The following MYL3 variants were observed in gnomAD, a reference collection of about 807,000 sequenced individuals.
The protein encoded by MYL3 is myosin light chain 3, also known as CMLC1.
Under a neutral mutation model 21.3 loss-of-function variants are expected in MYL3, and 11 were observed. That is an observed-to-expected ratio of 0.52 (90% CI 0.32 to 0.85). MYL3 has a LOEUF of 0.85. MYL3 is among the 40% of genes least tolerant of loss of function. MYL3 has a pLI of 0.03. For synonymous variants in MYL3, 88 were observed against 91.6 expected (o/e 0.96, Z 0.22); for missense variants, 206 against 253.3 (o/e 0.81, Z 1.27).
chr3:46,871,558 G>C (rs891630975), intron 1 of MYL3, among the ~76,000 whole-genome samples: 4 of 152,082 alleles, frequency 2.6e-5, no homozygotes, highest in African/African-American at 9.7e-5. Context: ...AGACAAAAGG[G>C]AAGGAGAGAT....
At chr3:46,873,159 G>A (rs961920726) in intron 1 of MYL3, among the ~76,000 whole-genome samples, 4 of 152,242 alleles carry the variant, frequency 2.6e-5, no homozygotes, top group Admixed American at 1.3e-4. Flanking sequence ...GTTGAAAGGT[G>A]CAGATCCAGG....
chr3:46,881,813 G>A (rs1482347459), intron 1 of MYL3, among the ~76,000 whole-genome samples: 1 of 152,138 alleles, frequency 6.6e-6, no homozygotes, highest in Admixed American at 6.5e-5. Flanking sequence ...CGGCCCGAAC[G>A]GGAGCCCAGT....
At chr3:46,862,743 C>T (rs1029600635) in intron 1 of MYL3, among the ~76,000 whole-genome samples, 5 of 152,230 alleles carry the variant, frequency 3.3e-5, no homozygotes, top group Admixed American at 1.3e-4. Context: ...GCTTCAAGTT[C>T]CCTACCTAAA....
In MYL3 at chr3:46,858,703, C is replaced by T. The variant is rs182518004; in HGVS notation, c.482-242G>A. Among the ~76,000 whole-genome samples, 79 of 152,284 alleles carry T rather than the reference C, an allele frequency of 5.2e-4. 1 individual carries two copies. In the East Asian group the frequency reaches 0.014, roughly 26 times the overall value. On this transcript the variant is annotated intron_variant, in intron 4 of 6. Transcript: ENST00000292327. ...CCACTAGGCTGGGAGGGGGTCCCTC[C>T]GCCAGGACGAAGCCAGGGCTCCCTA...
In MYL3 at chr3:46,880,455, G is replaced by A. The variant is rs573641833; in HGVS notation, c.-218+1619C>T. Among the ~76,000 whole-genome samples the A allele has an allele frequency of 1.8e-4, 27 of 152,280 alleles. 1 individual carries two copies. The highest frequency in any genetic ancestry group is 6.2e-4 in the South Asian group (3 of 4,820). On this transcript the variant is annotated intron_variant, in intron 1 of 3. Transcript: ENST00000431168. ...GGAGGCAGCCATAGAAATGCATGGG[G>A]AGGGCCAAGGCTGGTGGTTCATACC...
chr3:46,866,187 C>T (rs1414460183), upstream of MYL3, among the ~76,000 whole-genome samples: 1 of 152,222 alleles, frequency 6.6e-6, no homozygotes, highest in East Asian at 1.9e-4. Context: ...CTCTCTCTCC[C>T]ACATCCCAAC....
At chr3:46,872,442 A>ACCCCCCCCCCCCAGC (rs200592186) in intron 1 of MYL3, among the ~76,000 whole-genome samples, 5 of 137,396 alleles carry the variant, frequency 3.6e-5, no homozygotes, top group Non-Finnish European at 6.4e-5. Context: ...GGGCCCCAAG[A>ACCCCCCCCCCCCAGC]CCCCCCCCCT....
chr3:46,878,687 T>A (rs1559525120), intron 1 of MYL3, among the ~76,000 whole-genome samples: 1 of 152,108 alleles, frequency 6.6e-6, no homozygotes, highest in South Asian at 2.1e-4. Flanking sequence ...CTTGTTGGTG[T>A]CTGATGCCCA....
chr3:46,869,127 C>T (rs770899799), intron 1 of MYL3, among the ~76,000 whole-genome samples: 6 of 152,270 alleles, frequency 3.9e-5, no homozygotes, highest in Non-Finnish European at 7.4e-5. Context: ...CCCCTCCCCC[C>T]ACAGCATGGC....
intron 1 of MYL3, among the ~76,000 whole-genome samples, chr3:46,872,724 A>C (rs144045583): frequency 2.6e-5 from 4 of 152,356 alleles, no homozygotes; most frequent in Non-Finnish European, 5.9e-5. Context: ...TGCCAGCTCC[A>C]GGTTCAGCTG....
At chr3:46,876,460 T>C (rs777733232) in intron 1 of MYL3, among the ~76,000 whole-genome samples, 8 of 152,172 alleles carry the variant, frequency 5.3e-5, no homozygotes, top group Non-Finnish European at 1.2e-4. Flanking sequence ...GCAGTGCACT[T>C]CAGAGTAGCT....
Position 46,860,129 on chromosome 3 carries a change from A to G in MYL3, c.308-481T>C, listed in dbSNP as rs1701975408. Reference sequence around the variant, plus strand: ...TATTCATTTATGTATTTATTCATTCATTTATTTATTTTTAGACACGAGGTC... The same window carrying G: ...TATTCATTTATGTATTTATTCATTCGTTTATTTATTTTTAGACACGAGGTC... On this transcript the variant is annotated intron_variant, in intron 3 of 6. Transcript: ENST00000292327. The surrounding 1 kb of genome is among the most constrained non-coding windows in gnomAD (Gnocchi z 4.6). Among the ~76,000 whole-genome samples, 1 of 146,360 alleles carries G rather than the reference A, an allele frequency of 6.8e-6. No homozygotes were observed. The highest frequency in any genetic ancestry group is 2.5e-5 in the African/African-American group (1 of 39,414).
rs374343336 is a variant in MYL3 at position 46,874,574 on chromosome 3, C to T, written c.-218+7500G>A. Among the ~76,000 whole-genome samples the T allele has an allele frequency of 5.3e-5, 8 of 152,184 alleles. No individual in the cohort carries two copies. Among genetic ancestry groups the T allele is most frequent in the Non-Finnish European group, 8.8e-5 (6 of 68,030 alleles). ...CAGGGCCCAGCCGGCCTCTGGAACG[C>T]GTGCCCGGGACCTCGGTGATATTTT... On this transcript the variant is annotated intron_variant, in intron 1 of 3. Coordinates refer to the MYL3 transcript ENST00000431168. This position sits in a 1 kb window ranked among gnomAD's most constrained non-coding sequence, Gnocchi z 4.1.
chr3:46,859,718 A>G lies in MYL3; in HGVS notation c.308-70T>C, dbSNP rs946870085. The G allele has an allele frequency of 1.9e-6, 3 of 1,541,402 alleles. No individual in the cohort carries two copies. The highest frequency in any genetic ancestry group is 2.7e-5 in the African/African-American group (2 of 73,442). On this transcript the variant is annotated intron_variant, in intron 3 of 6. Coordinates refer to ENST00000292327, the MANE Select transcript of MYL3 (RefSeq NM_000258.3). The surrounding 1 kb of genome is among the most constrained non-coding windows in gnomAD (Gnocchi z 4.1). ...GGCACACCCCTCCCCCATGCCTGAT[A>G]ATGAGGAGCTATCCCCACCTCTCAC...
chr3:46,865,027 A>G (rs1456847957), upstream of MYL3, among the ~76,000 whole-genome samples: 6 of 152,214 alleles, frequency 3.9e-5, no homozygotes, highest in Non-Finnish European at 8.8e-5. This position sits in a 1 kb window ranked among gnomAD's most constrained non-coding sequence, Gnocchi z 4.3. Flanking sequence ...CTTCAAAGCC[A>G]GGGATTTCCC....
At chr3:46,869,242 G>GA (rs200101089) in intron 1 of MYL3, among the ~76,000 whole-genome samples, 6 of 151,332 alleles carry the variant, frequency 4.0e-5, no homozygotes, top group Non-Finnish European at 5.9e-5. Flanking sequence ...GTCCTTGGAA[G>GA]AAAAAAAAAG....
chr3:46,863,532 C>A, upstream of MYL3: 1 of 890,508 alleles, frequency 1.1e-6, no homozygotes, highest in Non-Finnish European at 1.7e-6. Context: ...GGGACAGGGC[C>A]ATAAAAGGAT....
In MYL3 at chr3:46,860,897, G is replaced by T; in HGVS notation, c.157+63C>A. ...ACCCCACTCCCCACACCCCTGGCAG[G>T]ACCCTCAGACCAGGGAACCCCAGCC... On this transcript the variant is annotated intron_variant, in intron 2 of 6. Coordinates refer to ENST00000292327, the MANE Select transcript of MYL3 (RefSeq NM_000258.3). The surrounding 1 kb of genome is among the most constrained non-coding windows in gnomAD (Gnocchi z 4.6). The T allele has an allele frequency of 6.2e-7, 1 of 1,614,014 alleles. No homozygotes were observed. The highest frequency in any genetic ancestry group is 8.5e-7 in the Non-Finnish European group (1 of 1,179,944).
At position 46,863,422 on chromosome 3, in the gene MYL3, GAGA is replaced by G; in HGVS notation, c.-35_-33del. On this transcript the variant is annotated 5_prime_UTR_variant, in exon 1 of 7. Coordinates refer to ENST00000292327, the MANE Select transcript of MYL3 (RefSeq NM_000258.3). ...CTGTAAGTACAGAGAGGGATGTGGA[GAGA>G]AGAATGCAGAAAGCAGGGTAGGTGA... 6.2e-7 allele frequency: 1 copy of G among 1,611,780 alleles called. No individual in the cohort carries two copies. The highest frequency in any genetic ancestry group is 2.2e-5 in the East Asian group (1 of 44,864).
Sources: gnomAD v4.1 joint callset for allele counts (sites outside exome capture counted in the v4.1 genomes callset) on GRCh38, gnomAD v4.1.1 for gene constraint, Gnocchi (gnomAD v3.1) non-coding constraint, MANE v1.5 for transcripts, NCBI Gene and HGNC (gene_info 2026-07-23, HGNC 2026-07-21) for gene names.